NXPH1: variants seen among roughly 807,000 people sequenced by gnomAD.
NXPH1 encodes the protein neurexophilin 1.
NXPH1 carries 5 observed loss-of-function variants against 23.7 expected under a neutral mutation model. The ratio of observed to expected loss-of-function variants is 0.21; its 90% confidence interval spans 0.11 to 0.44. The LOEUF is 0.44. Ranked by LOEUF, NXPH1 falls within the 20% of genes least tolerant of loss-of-function variation. The pLI is 0.99. For synonymous variants in NXPH1, 144 were observed against 122.2 expected (o/e 1.18, Z -1.18); for missense variants, 324 against 321.6 (o/e 1.01, Z -0.06).
intron 2 of NXPH1, among the ~76,000 whole-genome samples, chr7:8,719,143 T>A (rs1779924952): frequency 6.6e-6 from 1 of 152,230 alleles, no homozygotes; most frequent in Admixed American, 6.5e-5. Context: ...TCTTAAAAAT[T>A]TAATTATTCA....
chr7:8,664,701 G>C (rs1820733412), intron 2 of NXPH1, among the ~76,000 whole-genome samples: 1 of 151,768 alleles, frequency 6.6e-6, no homozygotes, highest in South Asian at 2.1e-4. Context: ...CTCATTTTTT[G>C]TCTTTTTGAT....
intron 2 of NXPH1, among the ~76,000 whole-genome samples, chr7:8,460,562 G>A (rs1171304529): frequency 7.9e-5 from 12 of 152,174 alleles, no homozygotes. Context: ...GGAAGGTTTG[G>A]ATTCAATGAG....
intron 2 of NXPH1, among the ~76,000 whole-genome samples, chr7:8,736,224 G>T (rs888245386): frequency 1.3e-5 from 2 of 152,108 alleles, no homozygotes; most frequent in South Asian, 2.1e-4. Flanking sequence ...TGATGTCAGG[G>T]TGTTGATTTT....
At chr7:8,493,961 A>G (rs4475381) in intron 2 of NXPH1, among the ~76,000 whole-genome samples, 20,600 of 152,022 alleles carry the variant, frequency 0.14, 1,473 homozygotes, top group Middle Eastern at 0.18. Context: ...AAGGGATCCA[A>G]AAAATAAAAT....
At chr7:8,493,549 C>G (rs980135721) in intron 2 of NXPH1, among the ~76,000 whole-genome samples, 18 of 152,024 alleles carry the variant, frequency 1.2e-4, no homozygotes, top group African/African-American at 3.9e-4. Flanking sequence ...GAGCAGAAAA[C>G]TGGAGAGTAG....
chr7:8,530,521 A>C (rs1176629318), intron 2 of NXPH1, among the ~76,000 whole-genome samples: 2 of 152,328 alleles, frequency 1.3e-5, no homozygotes, highest in East Asian at 3.9e-4. Flanking sequence ...TTGGAGTATA[A>C]AAATCAGACA....
chr7:8,652,578 C>T (rs1160254516), intron 2 of NXPH1, among the ~76,000 whole-genome samples: 4 of 152,156 alleles, frequency 2.6e-5, no homozygotes, highest in Non-Finnish European at 5.9e-5. Context: ...AATTTTTGAG[C>T]ACCTACTATG....
intron 2 of NXPH1, among the ~76,000 whole-genome samples, chr7:8,571,208 T>A (rs1275624324): frequency 1.3e-5 from 2 of 151,774 alleles, no homozygotes; most frequent in Non-Finnish European, 2.9e-5. Context: ...CTTGACAATG[T>A]CATAGGAGAG....
At chr7:8,743,209 G>A (rs1372032793) in intron 2 of NXPH1, among the ~76,000 whole-genome samples, 1 of 151,906 alleles carries the variant, frequency 6.6e-6, no homozygotes, top group Non-Finnish European at 1.5e-5. Context: ...TTTTGTTTGT[G>A]TTCATACATT....
Position 8,736,133 on chromosome 7 carries a change from T to C in NXPH1, c.55-14875T>C, listed in dbSNP as rs147959486. ...TTTTTTGTGTCTCTATCTCCTTCAG[T>C]TCTGCTCTGATCTTAGTTATTTCTT... On this transcript the variant is annotated intron_variant, in intron 2 of 2. Coordinates refer to ENST00000405863, the MANE Select transcript of NXPH1 (RefSeq NM_152745.3). Among the ~76,000 whole-genome samples the C allele has an allele frequency of 6.1e-3, 923 of 152,342 alleles. 13 individuals carry two copies. Among genetic ancestry groups the C allele is most frequent in the African/African-American group, 0.021 (889 of 41,578 alleles).
chr7:8,705,151 A>T (rs1313678697), intron 2 of NXPH1, among the ~76,000 whole-genome samples: 1 of 152,144 alleles, frequency 6.6e-6, no homozygotes, highest in Non-Finnish European at 1.5e-5. Flanking sequence ...TAGGGCATAC[A>T]AAATTGTAGA....
intron 2 of NXPH1, among the ~76,000 whole-genome samples, chr7:8,458,428 C>T (rs1309518726): frequency 6.6e-6 from 1 of 152,154 alleles, no homozygotes; most frequent in Non-Finnish European, 1.5e-5. Flanking sequence ...CAGATTCTCT[C>T]AGTTTTGGGT....
chr7:8,732,068 A>G (rs1000467442), intron 2 of NXPH1, among the ~76,000 whole-genome samples: 3 of 152,232 alleles, frequency 2.0e-5, no homozygotes, highest in Non-Finnish European at 2.9e-5. Context: ...AGCCCGTCGG[A>G]AAAGCGCAAT....
chr7:8,659,689 A>G (rs1464401670), intron 2 of NXPH1, among the ~76,000 whole-genome samples: 1 of 152,194 alleles, frequency 6.6e-6, no homozygotes, highest in Non-Finnish European at 1.5e-5. Context: ...TATGTAACAA[A>G]CCTGCACGTT....
chr7:8,525,116 G>T (rs771065768), intron 2 of NXPH1, among the ~76,000 whole-genome samples: 1 of 152,172 alleles, frequency 6.6e-6, no homozygotes, highest in Non-Finnish European at 1.5e-5. Flanking sequence ...TTCTGATAGC[G>T]ATATGGACAA....
chr7:8,618,701 C>A (rs1819798700), intron 2 of NXPH1, among the ~76,000 whole-genome samples: 2 of 152,162 alleles, frequency 1.3e-5, no homozygotes. Context: ...GAAATGTAAT[C>A]ACTGCATCAT....
Position 8,608,430 on chromosome 7 carries a change from C to T in NXPH1, c.55-142578C>T, listed in dbSNP as rs150422782. Among the ~76,000 whole-genome samples the T allele has an allele frequency of 7.7e-3, 1,175 of 151,706 alleles. 13 individuals carry two copies. Among genetic ancestry groups the T allele is most frequent in the Middle Eastern group, 0.044 (13 of 294 alleles). On this transcript the variant is annotated intron_variant, in intron 2 of 2. Transcript: ENST00000405863. ...GCAACTTCAGCCTCCTGGGCTCAAG[C>T]AAGCCTCCCACCTCAGTAGCCTCCC... is the stretch of plus-strand genomic sequence containing the variant.
chr7:8,526,234 A>G (rs1239423035), intron 2 of NXPH1, among the ~76,000 whole-genome samples: 1 of 152,210 alleles, frequency 6.6e-6, no homozygotes, highest in Admixed American at 6.5e-5. Flanking sequence ...TTGGACTTGC[A>G]TGGGCCCTGT....
chr7:8,615,407 G>T (rs1222959242), intron 2 of NXPH1, among the ~76,000 whole-genome samples: 2 of 151,986 alleles, frequency 1.3e-5, no homozygotes, highest in Non-Finnish European at 2.9e-5. Context: ...GAGAGGATTC[G>T]ATGGGATAAT....
Sources: gnomAD v4.1 joint callset for allele counts (sites outside exome capture counted in the v4.1 genomes callset) on GRCh38, gnomAD v4.1.1 for gene constraint, MANE v1.5 for transcripts, NCBI Gene and HGNC (gene_info 2026-07-23, HGNC 2026-07-21) for gene names.